The following OSBPL1A variants were observed in gnomAD, a reference collection of about 807,000 sequenced individuals.
OSBPL1A encodes oxysterol-binding protein-related protein 1.
A neutral mutation model predicts 137.1 loss-of-function variants in OSBPL1A; 80 were observed. That is an observed-to-expected ratio of 0.58 (90% CI 0.49 to 0.70). The LOEUF (loss-of-function observed/expected upper bound fraction) is 0.70. Ranked by LOEUF, OSBPL1A falls within the 30% of genes least tolerant of loss-of-function variation. OSBPL1A has a pLI of 0.00. For missense variants in OSBPL1A, 970 were observed against 1,129.4 expected (o/e 0.86, Z 2.02); for synonymous variants, 365 against 389.7 (o/e 0.94, Z 0.75).
chr18:24,218,968 T>A lies in OSBPL1A; in HGVS notation c.1601+6074A>T, dbSNP rs537147652. 3.3e-5 allele frequency among the ~76,000 whole-genome samples: 5 copies of A among 152,040 alleles called. No individual in the cohort carries two copies. The East Asian group carries it at 9.7e-4, about 29-fold the overall frequency. On this transcript the variant is annotated intron_variant, in intron 17 of 27. Coordinates refer to ENST00000319481, the MANE Select transcript of OSBPL1A (RefSeq NM_080597.4). ...TAAAAAGCTATGTCCCTAAAAAAAA[T>A]AAAGATAAAATGGTATAGCTTGGAT...
In OSBPL1A at chr18:24,271,503, C is replaced by T. The variant is rs1407548354; in HGVS notation, c.1281+9339G>A. On this transcript the variant is annotated intron_variant, in intron 15 of 27. Coordinates refer to ENST00000319481, the MANE Select transcript of OSBPL1A (RefSeq NM_080597.4). This position sits in a 1 kb window ranked among gnomAD's most constrained non-coding sequence, Gnocchi z 4.0. ...CTCTGCACACACACGTCCAACTATTCTTGGATCTACTCACATCCCTGGATC... is the reference window on the plus strand; with the variant it reads ...CTCTGCACACACACGTCCAACTATTTTTGGATCTACTCACATCCCTGGATC... The T allele has an allele frequency of 3.1e-6, 3 of 956,528 alleles. No homozygotes were observed. The South Asian group carries it at 1.4e-4, about 46-fold the overall frequency. 59.3% of individuals were successfully genotyped at this position (956,528 alleles called of 1,614,324 possible). A position where few individuals can be genotyped will look rare whatever the true frequency, so the allele number is the denominator to read the frequency against.
chr18:24,233,458 C>A (rs1322769448), intron 16 of OSBPL1A, among the ~76,000 whole-genome samples: 2 of 152,134 alleles, frequency 1.3e-5, no homozygotes, highest in Non-Finnish European at 2.9e-5. Context: ...ACCATGCATT[C>A]CTGATTATCT....
At chr18:24,175,639 T>C (rs1285318987) in intron 21 of OSBPL1A, among the ~76,000 whole-genome samples, 1 of 152,252 alleles carries the variant, frequency 6.6e-6, no homozygotes, top group Non-Finnish European at 1.5e-5. Context: ...GTTTTTAATT[T>C]AATAACATCT....
In OSBPL1A at chr18:24,366,889, C is replaced by A. The variant is rs776591503; in HGVS notation, c.282+3G>T. On this transcript the variant is annotated splice_donor_region_variant and intron_variant, in intron 4 of 27. Coordinates refer to ENST00000319481, the MANE Select transcript of OSBPL1A (RefSeq NM_080597.4). ...CAAACATTGAACATAGAATGATTTT[C>A]ACCTTTCGTCCTGTAAAGGCAGCTC... is the stretch of plus-strand genomic sequence containing the variant. 3.1e-6 allele frequency: 5 copies of A among 1,609,088 alleles called. No homozygotes were observed. Among genetic ancestry groups the A allele is most frequent in the Non-Finnish European group, 2.5e-6 (3 of 1,177,622 alleles).
At chr18:24,236,502 C>T (rs1174742760) in intron 16 of OSBPL1A, among the ~76,000 whole-genome samples, 1 of 152,160 alleles carries the variant, frequency 6.6e-6, no homozygotes, top group African/African-American at 2.4e-5. Context: ...GACAGGGCAT[C>T]TGACTCTTCA....
chr18:24,283,977 T>C (rs533214369), intron 14 of OSBPL1A, among the ~76,000 whole-genome samples: 1 of 152,078 alleles, frequency 6.6e-6, no homozygotes, highest in Non-Finnish European at 1.5e-5. Flanking sequence ...TATATATATA[T>C]AAAGAAGTTT....
chr18:24,389,803 A>G (rs1251413541), intron 1 of OSBPL1A, among the ~76,000 whole-genome samples: 1 of 152,022 alleles, frequency 6.6e-6, no homozygotes, highest in Non-Finnish European at 1.5e-5. Context: ...TTAGCCAGGT[A>G]TGGTGGTGCA....
chr18:24,186,794 C>T (rs1329858570), intron 18 of OSBPL1A, among the ~76,000 whole-genome samples: 22 of 150,430 alleles, frequency 1.5e-4, no homozygotes, highest in Non-Finnish European at 2.2e-4. Flanking sequence ...ATCCTAGCTA[C>T]TCGGGAGGCT....
intron 14 of OSBPL1A, among the ~76,000 whole-genome samples, chr18:24,290,759 A>G (rs1193993353): frequency 6.6e-6 from 1 of 152,192 alleles, no homozygotes; most frequent in Non-Finnish European, 1.5e-5. Context: ...TTACAGCTAC[A>G]TGAATGGAGG....
chr18:24,163,190 C>A lies in OSBPL1A; in HGVS notation c.2842G>T (p.Asp948Tyr). The A allele has an allele frequency of 1.9e-6, 3 of 1,606,574 alleles. No individual in the cohort carries two copies. The highest frequency in any genetic ancestry group is 1.1e-5 in the South Asian group (1 of 90,772). Reference sequence around the variant, plus strand: ...GACTTGTATGCATTTTAATAAATGTCAGGCAAATTGAAGTAATTTCTGTCC... The same window carrying A: ...GACTTGTATGCATTTTAATAAATGTAAGGCAAATTGAAGTAATTTCTGTCC... The part of the protein sequence containing the change: ...YWDRNYFNLP[D>Y]IY The change falls in exon 28 of 28, where the codon GAC becomes TAC. Residue 948 changes from aspartate to tyrosine, a missense_variant. Around this residue, in one of 2 missense-constraint regions of OSBPL1A, gnomAD observed 323 missense variants for 456.8 expected, o/e 0.71. Transcript: ENST00000319481.
chr18:24,178,792 G>A (rs1324213473), intron 20 of OSBPL1A, among the ~76,000 whole-genome samples: 2 of 152,066 alleles, frequency 1.3e-5, no homozygotes, highest in African/African-American at 2.4e-5. Flanking sequence ...TTACATTAGA[G>A]AAATCTAGTG....
At chr18:24,394,170 C>A in intron 1 of OSBPL1A, among the ~76,000 whole-genome samples, 1 of 152,018 alleles carries the variant, frequency 6.6e-6, no homozygotes, top group East Asian at 1.9e-4. Flanking sequence ...ATGTTTATAC[C>A]AAATTATTAT....
At chr18:24,288,921 C>T (rs1056503950) in intron 14 of OSBPL1A, among the ~76,000 whole-genome samples, 16 of 152,100 alleles carry the variant, frequency 1.1e-4, no homozygotes, top group Admixed American at 3.3e-4. Flanking sequence ...TATCTATAGC[C>T]TGAACACACC....
chr18:24,345,372 G>C (rs1380966888), intron 4 of OSBPL1A, among the ~76,000 whole-genome samples: 2 of 152,082 alleles, frequency 1.3e-5, no homozygotes, highest in African/African-American at 4.8e-5. Flanking sequence ...GACTAGAAAG[G>C]GTCAAAATAA....
intron 15 of OSBPL1A, among the ~76,000 whole-genome samples, chr18:24,247,423 G>C (rs1567973468): frequency 6.6e-6 from 1 of 152,178 alleles, no homozygotes; most frequent in Non-Finnish European, 1.5e-5. Context: ...AGAGATAAGA[G>C]AGAGTGAGTA....
intron 17 of OSBPL1A, among the ~76,000 whole-genome samples, chr18:24,209,638 C>A (rs986716168): frequency 6.6e-6 from 1 of 152,104 alleles, no homozygotes; most frequent in African/African-American, 2.4e-5. Flanking sequence ...CAAATTCCAT[C>A]AACAGGAGTA....
At chr18:24,273,839 C>A (rs1007979017) in intron 15 of OSBPL1A, among the ~76,000 whole-genome samples, 51 of 152,198 alleles carry the variant, frequency 3.4e-4, no homozygotes, top group African/African-American at 1.2e-3. Context: ...AGTCATCCAA[C>A]AGAGCAGCCT....
At chr18:24,277,082 G>A (rs2089860260) in intron 15 of OSBPL1A, among the ~76,000 whole-genome samples, 1 of 152,060 alleles carries the variant, frequency 6.6e-6, no homozygotes, top group African/African-American at 2.4e-5. Flanking sequence ...AATCAAGAGA[G>A]GTAATTTTTA....
Position 24,162,999 on chromosome 18 carries a change from A to G in OSBPL1A, c.*180T>C, listed in dbSNP as rs2086055379. On this transcript the variant is annotated 3_prime_UTR_variant, in exon 28 of 28. Coordinates refer to ENST00000319481, the MANE Select transcript of OSBPL1A (RefSeq NM_080597.4). ...TATAGCAAAATTATGCATTTTTCCT[A>G]AGACTTTCATCACCAATATCGCCTT... The G allele has an allele frequency of 2.1e-6, 1 of 470,288 alleles. No homozygotes were observed. Among genetic ancestry groups the G allele is most frequent in the South Asian group, 2.9e-5 (1 of 34,110 alleles). The allele number at this position is 470,288 out of a possible 1,614,324, so 29.1% of individuals were successfully genotyped here. A position where few individuals can be genotyped will look rare whatever the true frequency, so the allele number is the denominator to read the frequency against.
Sources: gnomAD v4.1 joint callset for allele counts (sites outside exome capture counted in the v4.1 genomes callset) on GRCh38, gnomAD v4.1.1 for gene constraint, gnomAD v4.1.1 regional missense constraint, Gnocchi (gnomAD v3.1) non-coding constraint, MANE v1.5 for transcripts, NCBI Gene and HGNC (gene_info 2026-07-23, HGNC 2026-07-21) for gene names.